Variants in NEBL observed in about 807,000 individuals in gnomAD.
NEBL encodes the protein nebulette.
Under a neutral mutation model 140.2 loss-of-function variants are expected in NEBL, and 122 were observed. The ratio of observed to expected loss-of-function variants is 0.87; its 90% confidence interval spans 0.75 to 1.01. The LOEUF is 1.01. Ranked by LOEUF, NEBL falls within the 50% of genes least tolerant of loss-of-function variation. NEBL has a pLI of 0.00. For missense variants in NEBL, 1,365 were observed against 1,231.3 expected, an observed-to-expected ratio of 1.11 and a Z score of -1.62; for synonymous variants, 436 against 398.9, an observed-to-expected ratio of 1.09 and a Z score of -1.11.
At chr10:21,105,348 C>G (rs910582443) in intron 2 of NEBL, among the ~76,000 whole-genome samples, 6 of 151,984 alleles carry the variant, frequency 3.9e-5, no homozygotes, top group Admixed American at 2.6e-4. Flanking sequence ...TCCCCTACCC[C>G]CCGACAGGCC....
chr10:20,872,164 C>G (rs559276680), intron 5 of NEBL, among the ~76,000 whole-genome samples: 2 of 152,064 alleles, frequency 1.3e-5, no homozygotes, highest in African/African-American at 4.8e-5. Context: ...CTAATGACTG[C>G]GTGAAGAGAG....
At chr10:21,194,865 A>G (rs1471021050) in intron 3 of NEBL, among the ~76,000 whole-genome samples, 1 of 150,080 alleles carries the variant, frequency 6.7e-6, no homozygotes, top group Non-Finnish European at 1.5e-5. Context: ...CTATGTAGTC[A>G]GATGTAATCT....
At chr10:21,098,869 C>A (rs541380888) in intron 2 of NEBL, among the ~76,000 whole-genome samples, 1 of 152,326 alleles carries the variant, frequency 6.6e-6, no homozygotes, top group East Asian at 1.9e-4. Flanking sequence ...CGGCTCACAC[C>A]TGTAATCTCA....
At chr10:20,818,730 C>T (rs1333283970) in intron 20 of NEBL, 14 of 929,432 alleles carry the variant, frequency 1.5e-5, no homozygotes, top group Non-Finnish European at 1.8e-5. Context: ...GTGACCAGGA[C>T]AATGCCCAGT....
At chr10:20,914,777 T>C (rs983494915) in intron 4 of NEBL, among the ~76,000 whole-genome samples, 2 of 152,124 alleles carry the variant, frequency 1.3e-5, no homozygotes, top group African/African-American at 2.4e-5. Context: ...TTTCAAATAA[T>C]TGAGACAATT....
At chr10:20,794,383 G>T (rs531267660) in intron 26 of NEBL, among the ~76,000 whole-genome samples, 1 of 152,066 alleles carries the variant, frequency 6.6e-6, no homozygotes, top group Non-Finnish European at 1.5e-5. Flanking sequence ...TTCCTATAAT[G>T]TATCCTGTTT....
chr10:21,080,367 G>A (rs1341504255), intron 2 of NEBL, among the ~76,000 whole-genome samples: 1 of 152,174 alleles, frequency 6.6e-6, no homozygotes, highest in African/African-American at 2.4e-5. Context: ...CTCAATTGTG[G>A]TAAATATTCA....
At chr10:21,162,414 A>G (rs1840593430) in intron 2 of NEBL, among the ~76,000 whole-genome samples, 1 of 152,102 alleles carries the variant, frequency 6.6e-6, no homozygotes, top group Non-Finnish European at 1.5e-5. Flanking sequence ...TGACCTAGGG[A>G]CTCCTGGGCT....
intron 16 of NEBL, among the ~76,000 whole-genome samples, chr10:20,828,880 G>C (rs1284156153): frequency 1.3e-5 from 2 of 152,108 alleles, no homozygotes; most frequent in Non-Finnish European, 2.9e-5. Flanking sequence ...TGTGAAGATA[G>C]ATTTGATTAA....
chr10:21,002,402 T>C (rs640056), intron 3 of NEBL, among the ~76,000 whole-genome samples: 25,798 of 152,144 alleles, frequency 0.17, 3,249 homozygotes, highest in East Asian at 0.44. Flanking sequence ...TCCTACGCTG[T>C]AGAATGTTTA....
chr10:20,955,269 T>TA (rs1835741243), intron 4 of NEBL, among the ~76,000 whole-genome samples: 1 of 152,192 alleles, frequency 6.6e-6, no homozygotes, highest in South Asian at 2.1e-4. Context: ...GTCAGACATA[T>TA]AGACACATAA....
intron 2 of NEBL, among the ~76,000 whole-genome samples, chr10:21,170,052 A>G (rs1040825875): frequency 6.6e-6 from 1 of 152,192 alleles, no homozygotes; most frequent in Admixed American, 6.5e-5. Context: ...CCAGAATCTC[A>G]TAAACTTTTT....
intron 4 of NEBL, among the ~76,000 whole-genome samples, chr10:20,904,818 G>A (rs542021014): frequency 2.0e-5 from 3 of 152,210 alleles, no homozygotes; most frequent in Non-Finnish European, 4.4e-5. Flanking sequence ...TATTGAAGAA[G>A]CTCTTTGCTT....
At chr10:21,254,889 G>A (rs943545139) in intron 1 of NEBL, among the ~76,000 whole-genome samples, 7 of 151,982 alleles carry the variant, frequency 4.6e-5, no homozygotes, top group South Asian at 2.1e-4. Flanking sequence ...CACCAGGGCC[G>A]CTGGTCTAGA....
intron 16 of NEBL, among the ~76,000 whole-genome samples, chr10:20,829,781 T>C (rs555655424): frequency 2.8e-4 from 43 of 152,210 alleles, no homozygotes; most frequent in Admixed American, 9.8e-4. Context: ...TCAGGCACCT[T>C]CACTCTCAAT....
In NEBL at chr10:20,897,246, TGTGGCGTC is replaced by T. The variant is rs1245053199; in HGVS notation, c.-49_-42del. ...TATTTATATTTTTAAAATTTACTCA[TGTGGCGTC>T]CTTTTCCATACCACAGTGCCCTTGA... On this transcript the variant is annotated 5_prime_UTR_variant, in exon 1 of 28. It removes the in-frame stop codon of an upstream open reading frame in the 5' UTR. Coordinates refer to ENST00000377122, the MANE Select transcript of NEBL (RefSeq NM_006393.3). 5 of 1,535,274 alleles carry T rather than the reference TGTGGCGTC, an allele frequency of 3.3e-6. No individual in the cohort carries two copies. The Admixed American group carries it at 1.0e-4, about 31-fold the overall frequency.
At position 20,863,011 on chromosome 10, in the gene NEBL, T is replaced by C. The variant is rs548207737; in HGVS notation, c.685-3185A>G. On this transcript the variant is annotated intron_variant, in intron 7 of 27. Transcript: ENST00000377122. ...AATAACACCTTTTGAAAAAATACTGTATAGGTATATAGGATCAAACTCCTA... is the reference window on the plus strand; with the variant it reads ...AATAACACCTTTTGAAAAAATACTGCATAGGTATATAGGATCAAACTCCTA... Among the ~76,000 whole-genome samples, 21 of 152,268 alleles carry C rather than the reference T, an allele frequency of 1.4e-4. No individual in the cohort carries two copies. The East Asian group carries it at 4.1e-3, about 29-fold the overall frequency.
intron 1 of NEBL, among the ~76,000 whole-genome samples, chr10:21,276,230 C>T (rs1420905442): frequency 1.3e-5 from 2 of 151,838 alleles, no homozygotes; most frequent in African/African-American, 4.8e-5. Flanking sequence ...CCATAGCCTC[C>T]CAAAGAGCTG....
chr10:21,078,015 C>T (rs544793124), intron 2 of NEBL, among the ~76,000 whole-genome samples: 16 of 152,258 alleles, frequency 1.1e-4, no homozygotes, highest in South Asian at 8.3e-4. Context: ...TTCCAGAGCA[C>T]GGATTGACTC....
Sources: gnomAD v4.1 joint callset for allele counts (sites outside exome capture counted in the v4.1 genomes callset) on GRCh38, gnomAD v4.1.1 for gene constraint, MANE v1.5 for transcripts, NCBI Gene and HGNC (gene_info 2026-07-23, HGNC 2026-07-21) for gene names.